Variants in DPH6 observed in about 807,000 individuals in gnomAD.
DPH6 encodes the protein diphthine--ammonia ligase.
Under a neutral mutation model 38.2 loss-of-function variants are expected in DPH6, and 33 were observed. The ratio of observed to expected loss-of-function variants is 0.86; its 90% confidence interval spans 0.65 to 1.15. The LOEUF is 1.15. DPH6 is among the 50% of genes most tolerant of loss of function. The pLI, the probability that DPH6 is intolerant of heterozygous loss-of-function variation, is 0.00. For synonymous variants in DPH6, 108 were observed against 103.0 expected (o/e 1.05, Z -0.30); for missense variants, 325 against 320.0 (o/e 1.02, Z -0.12).
At chr15:35,425,368 T>C (rs1566905034) in intron 5 of DPH6, among the ~76,000 whole-genome samples, 1 of 151,618 alleles carries the variant, frequency 6.6e-6, no homozygotes, top group East Asian at 1.9e-4. Flanking sequence ...CATATTATCA[T>C]GAAAGCTATT....
chr15:35,387,081 C>A (rs1323168538), intron 6 of DPH6, among the ~76,000 whole-genome samples: 1 of 152,174 alleles, frequency 6.6e-6, no homozygotes, highest in Non-Finnish European at 1.5e-5. Context: ...TTTCCCAGCA[C>A]CATTTATTAA....
intron 3 of DPH6, among the ~76,000 whole-genome samples, chr15:35,286,097 G>C (rs929668624): frequency 1.3e-5 from 2 of 151,910 alleles, no homozygotes; most frequent in African/African-American, 4.8e-5. Flanking sequence ...GAATTCACCT[G>C]TCCTGGGTAA....
intron 3 of DPH6, among the ~76,000 whole-genome samples, chr15:35,256,994 C>CA (rs2051712565): frequency 6.6e-6 from 1 of 152,030 alleles, no homozygotes; most frequent in South Asian, 2.1e-4. Flanking sequence ...TTGATGACAG[C>CA]TATTTGAGGA....
chr15:35,537,726 G>C (rs913858317), intron 3 of DPH6, among the ~76,000 whole-genome samples: 7 of 152,012 alleles, frequency 4.6e-5, no homozygotes, highest in African/African-American at 1.7e-4. Context: ...TGTCTTGCTT[G>C]ACAACCATAC....
At chr15:35,349,110 T>A (rs1422025774) in intron 3 of DPH6, among the ~76,000 whole-genome samples, 10 of 152,156 alleles carry the variant, frequency 6.6e-5, no homozygotes, top group Non-Finnish European at 1.5e-4. Context: ...TGAACAGAGT[T>A]AATTTTACTT....
chr15:35,438,680 C>T (rs949304502), intron 5 of DPH6, among the ~76,000 whole-genome samples: 16 of 152,040 alleles, frequency 1.1e-4, no homozygotes, highest in African/African-American at 3.6e-4. Context: ...AAAAAGAGAG[C>T]TCTTATTAAT....
At chr15:35,353,797 T>A (rs2052536302) in intron 3 of DPH6, among the ~76,000 whole-genome samples, 1 of 152,188 alleles carries the variant, frequency 6.6e-6, no homozygotes, top group Non-Finnish European at 1.5e-5. Context: ...TTTAAAGTAG[T>A]TTCTTCCAAT....
At chr15:35,393,002 A>G (rs887080561) in intron 6 of DPH6, among the ~76,000 whole-genome samples, 1 of 152,248 alleles carries the variant, frequency 6.6e-6, no homozygotes, top group African/African-American at 2.4e-5. Flanking sequence ...GACAGAAGAC[A>G]GGTCTTACAC....
intron 3 of DPH6, among the ~76,000 whole-genome samples, chr15:35,528,387 T>C (rs1161025827): frequency 2.0e-5 from 3 of 152,168 alleles, no homozygotes; most frequent in African/African-American, 4.8e-5. Flanking sequence ...TAATTCATTT[T>C]GATTACCAAT....
intron 3 of DPH6, among the ~76,000 whole-genome samples, chr15:35,350,099 G>C (rs987425594): frequency 6.6e-4 from 100 of 152,110 alleles, no homozygotes; most frequent in Admixed American, 6.3e-3. Context: ...GTTGGGACCT[G>C]TTTGATTACA....
At chr15:35,275,423 C>T (rs1178569625) in intron 3 of DPH6, among the ~76,000 whole-genome samples, 1 of 152,064 alleles carries the variant, frequency 6.6e-6, no homozygotes, top group Non-Finnish European at 1.5e-5. Flanking sequence ...ACACTGGAAG[C>T]CATAATTCTC....
chr15:35,159,869 G>A, the DPH6 span, among the ~76,000 whole-genome samples: 1 of 152,036 alleles, frequency 6.6e-6, no homozygotes, highest in Non-Finnish European at 1.5e-5. Context: ...ATACCATACA[G>A]CCATAAAAAA....
chr15:35,382,321 A>G (rs2052880776), intron 6 of DPH6, among the ~76,000 whole-genome samples: 1 of 152,216 alleles, frequency 6.6e-6, no homozygotes, highest in Non-Finnish European at 1.5e-5. Context: ...CTGCAGTCCC[A>G]GCTACTCGGG....
At chr15:35,404,434 A>G (rs1287915114) in intron 6 of DPH6, among the ~76,000 whole-genome samples, 3 of 152,054 alleles carry the variant, frequency 2.0e-5, no homozygotes, top group East Asian at 3.9e-4. Flanking sequence ...GGTGTGAGAG[A>G]TATCTCATTG....
chr15:35,169,118 A>G, the DPH6 span, among the ~76,000 whole-genome samples: 2 of 152,180 alleles, frequency 1.3e-5, no homozygotes, highest in Admixed American at 6.6e-5. Context: ...TATCTGATGT[A>G]GGAAATGCAT....
intron 5 of DPH6, among the ~76,000 whole-genome samples, chr15:35,445,446 C>T (rs2053839714): frequency 7.0e-6 from 1 of 141,902 alleles, no homozygotes; most frequent in Non-Finnish European, 1.5e-5. Flanking sequence ...GACCCTTGAA[C>T]ATCATGAATA....
At chr15:35,278,280 T>A (rs1595458250) in intron 3 of DPH6, among the ~76,000 whole-genome samples, 1 of 152,222 alleles carries the variant, frequency 6.6e-6, no homozygotes, top group African/African-American at 2.4e-5. Flanking sequence ...AGGCCCCAGG[T>A]ACAGCTCTGG....
At chr15:35,370,030 G>A (rs775615075), downstream of DPH6, among the ~76,000 whole-genome samples, 3 of 151,790 alleles carry the variant, frequency 2.0e-5, no homozygotes, top group East Asian at 3.9e-4. Context: ...TCCATCAGTG[G>A]AACAGACTGG....
At chr15:35,248,464 C>T (rs1017265575) in intron 3 of DPH6, among the ~76,000 whole-genome samples, 1 of 152,232 alleles carries the variant, frequency 6.6e-6, no homozygotes, top group African/African-American at 2.4e-5. Context: ...AGAATCTGAA[C>T]ACACAGGCCT....
Sources: allele counts gnomAD v4.1 joint callset (sites outside exome capture counted in the v4.1 genomes callset), GRCh38; gene constraint gnomAD v4.1.1; transcripts MANE v1.5; gene names NCBI Gene and HGNC (gene_info 2026-07-23, HGNC 2026-07-21).